Variants in PRKACA observed in about 807,000 individuals in gnomAD.
PRKACA encodes protein kinase cAMP-activated catalytic subunit alpha, also known as cAMP-dependent protein kinase catalytic subunit alpha.
In PRKACA, 9 loss-of-function variants were observed where a neutral mutation model predicts 45.8. That is an observed-to-expected ratio of 0.20 (90% CI 0.12 to 0.34). The LOEUF (loss-of-function observed/expected upper bound fraction) is 0.34, where lower values mean the gene tolerates loss of function less well. Among genes scored for constraint, PRKACA ranks in the 10% least tolerant of loss-of-function variants. The pLI is 1.00. For synonymous variants in PRKACA, 160 were observed against 178.6 expected, an observed-to-expected ratio of 0.90 and a Z score of 0.83; for missense variants, 238 against 458.6, an observed-to-expected ratio of 0.52 and a Z score of 4.39.
In PRKACA at chr19:14,112,300, C is replaced by T. The variant is rs1387829757; in HGVS notation, c.47-4891G>A. ...GGGTGGGATGGGGTGATCTGGCGGC[C>T]TTCTGCCCCCTGGCCAGGGAGGCTC... On this transcript the variant is annotated intron_variant, in intron 1 of 9. Coordinates refer to ENST00000308677, the MANE Select transcript of PRKACA (RefSeq NM_002730.4). 3 of 152,456 alleles carry T rather than the reference C, an allele frequency of 2.0e-5. No individual in the cohort carries two copies. In the East Asian group the frequency reaches 5.8e-4, roughly 29 times the overall value. 9.4% of individuals were successfully genotyped at this position (152,456 alleles called of 1,614,324 possible). A position where few individuals can be genotyped will look rare whatever the true frequency, so the allele number is the denominator to read the frequency against.
intron 4 of PRKACA, among the ~76,000 whole-genome samples, chr19:14,101,516 T>C (rs1977442756): frequency 6.6e-6 from 1 of 152,078 alleles, no homozygotes; most frequent in Non-Finnish European, 1.5e-5. Context: ...TGAGCTGTAA[T>C]TGCGCCACTG....
intron 1 of PRKACA, among the ~76,000 whole-genome samples, chr19:14,110,993 G>T (rs1036724719): frequency 6.6e-6 from 1 of 152,218 alleles, no homozygotes; most frequent in Admixed American, 6.5e-5. Context: ...GGCATTGCTG[G>T]TTATCTGCCT....
Position 14,097,513 on chromosome 19 carries a change from G to A in PRKACA, c.643-30C>T, listed in dbSNP as rs1977295049. 2 of 1,613,864 alleles carry A rather than the reference G, an allele frequency of 1.2e-6. No homozygotes were observed. The highest frequency in any genetic ancestry group is 2.7e-5 in the African/African-American group (2 of 74,930). On this transcript the variant is annotated intron_variant, in intron 7 of 9. Coordinates refer to ENST00000308677, the MANE Select transcript of PRKACA (RefSeq NM_002730.4). This position sits in a 1 kb window ranked among gnomAD's most constrained non-coding sequence, Gnocchi z 5.4. ...AGCAAGATGGGGGGGCACAGGGTGA[G>A]GAGGAGGCGAGAGCAGGAGAGCAGA...
At chr19:14,099,076 G>A (rs1162582226) in intron 5 of PRKACA, among the ~76,000 whole-genome samples, 3 of 151,940 alleles carry the variant, frequency 2.0e-5, no homozygotes, top group South Asian at 2.1e-4. Flanking sequence ...CGGATCACCT[G>A]AGGTCAGGAG....
intron 8 of PRKACA, chr19:14,096,909 G>A: frequency 6.8e-6 from 2 of 295,620 alleles, no homozygotes; most frequent in South Asian, 6.2e-5. Flanking sequence ...AACCCTCAGA[G>A]TTAGGCAAGT....
intron 5 of PRKACA, chr19:14,098,143 A>G: frequency 2.3e-6 from 1 of 439,264 alleles, no homozygotes; most frequent in Non-Finnish European, 4.1e-6. Flanking sequence ...AGGACAGCCC[A>G]TGCATCCACT....
At chr19:14,106,638 A>T (rs1315475613) in intron 3 of PRKACA, 122 bp downstream of exon 3, 1 of 1,378,900 alleles carries the variant, frequency 7.3e-7, no homozygotes, top group East Asian at 2.4e-5. Context: ...TGAGCGACAG[A>T]GCGAGACTCT....
At chr19:14,112,981 G>A (rs1967012713) in intron 1 of PRKACA, among the ~76,000 whole-genome samples, 1 of 152,186 alleles carries the variant, frequency 6.6e-6, no homozygotes. Flanking sequence ...GGGGCGACAA[G>A]AGCCACCCTG....
Position 14,097,425 on chromosome 19 carries a change from G to C in PRKACA, c.701C>G (p.Ala234Gly), listed in dbSNP as rs1019505614. Residue 234 changes from alanine (A) to glycine (G), a missense_variant, in exon 8 of 10, where the codon GCT (alanine) becomes GGT (glycine). This residue lies in a region of PRKACA where 94 missense variants were observed against 240.9 expected (regional missense o/e 0.39). Coordinates refer to ENST00000308677, the MANE Select transcript of PRKACA (RefSeq NM_002730.4). The surrounding 1 kb of genome is among the most constrained non-coding windows in gnomAD (Gnocchi z 5.4). ...GTCTGCGAAGAAGGGCGGGTAGCCA[G>C]CGGCCATTTCATAGATAAGAACCCC... ...ALGVLIYEMA[A>G]GYPPFFADQP... 3.7e-6 allele frequency: 6 copies of C among 1,614,028 alleles called. No individual in the cohort carries two copies. In the African/African-American group the frequency reaches 6.7e-5, roughly 18 times the overall value.
In PRKACA at chr19:14,109,983, TATATATATATATATATACAC is replaced by T. The variant is rs1300163782; in HGVS notation, c.47-2594_47-2575del. Among the ~76,000 whole-genome samples the T allele has an allele frequency of 5.7e-3, 495 of 86,914 alleles. 6 individuals are homozygous for T. Among genetic ancestry groups the T allele is most frequent in the African/African-American group, 0.025 (462 of 18,772 alleles). 57.0% of individuals were successfully genotyped at this position (86,914 alleles called of 152,430 possible). A position where few individuals can be genotyped will look rare whatever the true frequency, so the allele number is the denominator to read the frequency against. On this transcript the variant is annotated intron_variant, in intron 1 of 9. Transcript: ENST00000308677. The stretch of plus-strand genomic sequence containing the variant: ...AAAAAAAAATATATATATATATATA[TATATATATATATATATACAC>T]ACACACACACACACACATAGGGAGA...
chr19:14,097,891 C>CT lies in PRKACA; in HGVS notation c.420-2dup. On this transcript the variant is annotated splice_acceptor_variant, in intron 5 of 9. Transcript: ENST00000308677. LOFTEE classifies it high-confidence loss of function. The surrounding 1 kb of genome is among the most constrained non-coding windows in gnomAD (Gnocchi z 5.4). Reference sequence around the variant, plus strand: ...CGCGTAGAAACGGGCATGGGGCTCACTGATGGGGACAAATGGGGAGGTGAA... The same window carrying CT: ...CGCGTAGAAACGGGCATGGGGCTCACTTGATGGGGACAAATGGGGAGGTGAA... 1 of 1,614,132 alleles carries CT rather than the reference C, an allele frequency of 6.2e-7. No homozygotes were observed. The highest frequency in any genetic ancestry group is 2.2e-5 in the East Asian group (1 of 44,882).
In PRKACA at chr19:14,097,216, C is replaced by G. The variant is rs532648197; in HGVS notation, c.765+145G>C. The G allele has an allele frequency of 9.2e-6, 12 of 1,300,952 alleles. No individual in the cohort carries two copies. In the South Asian group the frequency reaches 1.3e-4, roughly 14 times the overall value. The allele number at this position is 1,300,952 out of a possible 1,614,324, so 80.6% of individuals were successfully genotyped here. ...GCTTGAGGTGTTGGCCTCAGTGTGG[C>G]CGGCGCGTCCAGCTTCACCACCTGG... On this transcript the variant is annotated intron_variant, in intron 8 of 9. Coordinates refer to ENST00000308677, the MANE Select transcript of PRKACA (RefSeq NM_002730.4). The surrounding 1 kb of genome is among the most constrained non-coding windows in gnomAD (Gnocchi z 5.4).
At chr19:14,096,477 C>G (rs1977263350) in intron 8 of PRKACA, 1 of 152,478 alleles carries the variant, frequency 6.6e-6, no homozygotes. Context: ...GTACCCAGCC[C>G]CAAAGTTTCA....
intron 8 of PRKACA, among the ~76,000 whole-genome samples, chr19:14,095,198 T>G (rs1977210246): frequency 6.7e-6 from 1 of 149,588 alleles, no homozygotes; most frequent in Admixed American, 6.7e-5. Context: ...TGAGATGGAG[T>G]CTTGCTCTGT....
At chr19:14,113,580 C>T (rs1432791889) in intron 1 of PRKACA, among the ~76,000 whole-genome samples, 1 of 152,202 alleles carries the variant, frequency 6.6e-6, no homozygotes, top group Non-Finnish European at 1.5e-5. Flanking sequence ...GGGTCTCTCT[C>T]GGAAGGAGCC....
intron 3 of PRKACA, among the ~76,000 whole-genome samples, chr19:14,103,184 G>A (rs887011014): frequency 6.6e-6 from 1 of 152,120 alleles, no homozygotes; most frequent in Non-Finnish European, 1.5e-5. Context: ...AGGGTATCTT[G>A]GGGTTGTGGA....
intron 3 of PRKACA, among the ~76,000 whole-genome samples, chr19:14,103,816 A>G (rs570503954): frequency 5.9e-5 from 9 of 152,368 alleles, no homozygotes; most frequent in African/African-American, 2.2e-4. Flanking sequence ...CCGTAATCCC[A>G]GCACTTTGGG....
chr19:14,093,129 C>T lies in PRKACA; in HGVS notation c.1039G>A (p.Glu347Lys). The stretch of plus-strand genomic sequence containing the variant: ...GCATGCCCCTAAAACTCAGAAAACT[C>T]CTTGCCACACTTCTCATTGATGGAG... ...RVSINEKCGK[E>K]FSEF is the part of the protein sequence containing the mutation. Residue 347 changes from glutamate to lysine, a missense_variant, in exon 10 of 10, where the codon GAG (glutamate) becomes AAG (lysine). Physicochemically the swap from Glu to Lys is moderately conservative, Grantham distance 56. This residue lies in a region of PRKACA where 51 missense variants were observed against 68.6 expected (regional missense o/e 0.74). Coordinates refer to ENST00000308677, the MANE Select transcript of PRKACA (RefSeq NM_002730.4). 6.4e-7 allele frequency: 1 copy of T among 1,556,962 alleles called. No individual in the cohort carries two copies. The highest frequency in any genetic ancestry group is 8.7e-7 in the Non-Finnish European group (1 of 1,144,934).
chr19:14,101,162 G>T, intron 4 of PRKACA: 1 of 445,210 alleles, frequency 2.2e-6, no homozygotes, highest in African/African-American at 2.0e-5. Context: ...CCTTGCTCTG[G>T]GAGCTTGAGT....
Sources: allele counts gnomAD v4.1 joint callset (sites outside exome capture counted in the v4.1 genomes callset), GRCh38; gene constraint gnomAD v4.1.1; regional missense constraint gnomAD v4.1.1; non-coding constraint Gnocchi (gnomAD v3.1); transcripts MANE v1.5; gene names NCBI Gene and HGNC (gene_info 2026-07-23, HGNC 2026-07-21).